The following NPAS3 variants were observed in gnomAD, a reference collection of about 807,000 sequenced individuals.
NPAS3 encodes the protein neuronal PAS domain protein 3.
A neutral mutation model predicts 73.1 loss-of-function variants in NPAS3; 14 were observed. That is an observed-to-expected ratio of 0.19 (90% CI 0.13 to 0.30). The LOEUF is 0.30. Ranked by LOEUF, NPAS3 falls within the 10% of genes least tolerant of loss-of-function variation. NPAS3 has a pLI of 1.00. For missense variants in NPAS3, 1,096 were observed against 1,250.0 expected (o/e 0.88, Z 1.86); for synonymous variants, 620 against 541.5 (o/e 1.14, Z -2.01).
intron 3 of NPAS3, among the ~76,000 whole-genome samples, chr14:33,331,064 G>A (rs1167254773): frequency 6.6e-6 from 1 of 152,144 alleles, no homozygotes; most frequent in Admixed American, 6.5e-5. Context: ...ATAGTACTTA[G>A]GATAGCAGTG....
intron 4 of NPAS3, among the ~76,000 whole-genome samples, chr14:33,401,093 G>A (rs1165838489): frequency 6.6e-6 from 1 of 152,132 alleles, no homozygotes; most frequent in Non-Finnish European, 1.5e-5. Flanking sequence ...ACGTTTTCAA[G>A]ATGTTAGAAA....
At chr14:33,789,921 A>C (rs192876203) in intron 9 of NPAS3, among the ~76,000 whole-genome samples, 1 of 152,260 alleles carries the variant, frequency 6.6e-6, no homozygotes, top group East Asian at 1.9e-4. Flanking sequence ...AATTCTAGAG[A>C]TGCTTTGACA....
At chr14:33,515,996 T>C (rs1477737555) in intron 4 of NPAS3, among the ~76,000 whole-genome samples, 1 of 152,102 alleles carries the variant, frequency 6.6e-6, no homozygotes. Context: ...TTTAACACTT[T>C]CTATGAGGTA....
intron 2 of NPAS3, among the ~76,000 whole-genome samples, chr14:33,069,591 T>C (rs2041411269): frequency 6.6e-6 from 1 of 152,214 alleles, no homozygotes; most frequent in Non-Finnish European, 1.5e-5. Context: ...AGCTGCCTGT[T>C]TCCCACCTTT....
intron 4 of NPAS3, among the ~76,000 whole-genome samples, chr14:33,471,374 G>A (rs976504988): frequency 3.3e-5 from 5 of 152,202 alleles, no homozygotes; most frequent in African/African-American, 1.2e-4. Context: ...TTGAAAGCAA[G>A]GTTTCCCTTA....
At chr14:33,542,984 G>A (rs145983446) in intron 4 of NPAS3, among the ~76,000 whole-genome samples, 1 of 152,206 alleles carries the variant, frequency 6.6e-6, no homozygotes, top group Non-Finnish European at 1.5e-5. Context: ...TTAGCATCAG[G>A]TGTTTTCTTT....
In NPAS3 at chr14:33,403,353, T is replaced by C. The variant is rs528902201; in HGVS notation, c.468+36085T>C. 7.6e-4 allele frequency among the ~76,000 whole-genome samples: 116 copies of C among 152,234 alleles called. 1 individual carries two copies. Among genetic ancestry groups the C allele is most frequent in the African/African-American group, 2.5e-3 (104 of 41,564 alleles). ...GATGCTTAGCAGGAGGCTTGTGGTA[T>C]ATTTTTTTATAATCTAGGCCTAAGA... On this transcript the variant is annotated intron_variant, in intron 4 of 11. Coordinates refer to ENST00000356141, the Ensembl canonical transcript of NPAS3.
intron 1 of NPAS3, among the ~76,000 whole-genome samples, chr14:32,955,194 T>C (rs1312282044): frequency 6.6e-6 from 1 of 152,138 alleles, no homozygotes; most frequent in Admixed American, 6.5e-5. Flanking sequence ...TGATTTGGCA[T>C]TTTGCTTTTT....
intron 2 of NPAS3, among the ~76,000 whole-genome samples, chr14:33,182,581 C>T (rs1210484196): frequency 6.6e-6 from 1 of 152,126 alleles, no homozygotes; most frequent in Non-Finnish European, 1.5e-5. Context: ...ATTATAATCA[C>T]ATTTATTTTT....
chr14:33,530,921 G>A (rs555414373), intron 4 of NPAS3, among the ~76,000 whole-genome samples: 2 of 152,154 alleles, frequency 1.3e-5, no homozygotes, highest in East Asian at 1.9e-4. Flanking sequence ...GTGGGGTGAG[G>A]AACTGCACAT....
chr14:33,613,963 G>C (rs2057835255), intron 5 of NPAS3, among the ~76,000 whole-genome samples: 2 of 152,074 alleles, frequency 1.3e-5, no homozygotes, highest in African/African-American at 4.8e-5. Context: ...CTTTAGGCCG[G>C]AAACTCACCA....
At chr14:33,391,602 G>C (rs886992633) in intron 4 of NPAS3, among the ~76,000 whole-genome samples, 2 of 152,198 alleles carry the variant, frequency 1.3e-5, no homozygotes, top group Non-Finnish European at 2.9e-5. Context: ...GAGAAAGAGA[G>C]GTAGAGAGGG....
At chr14:33,643,111 C>T (rs1031240687) in intron 5 of NPAS3, among the ~76,000 whole-genome samples, 1 of 152,016 alleles carries the variant, frequency 6.6e-6, no homozygotes, top group African/African-American at 2.4e-5. Flanking sequence ...ATGCAGCCCT[C>T]GTGACTAGGA....
At chr14:33,345,770 A>C (rs895121748) in intron 3 of NPAS3, among the ~76,000 whole-genome samples, 1 of 152,154 alleles carries the variant, frequency 6.6e-6, no homozygotes, top group African/African-American at 2.4e-5. Flanking sequence ...TGAGACCACA[A>C]ATTTTTCTCC....
intron 3 of NPAS3, among the ~76,000 whole-genome samples, chr14:33,276,344 G>T (rs2041331985): frequency 6.6e-6 from 1 of 152,144 alleles, no homozygotes; most frequent in African/African-American, 2.4e-5. Context: ...CATCTGCAAG[G>T]TTTGTGTAGT....
chr14:33,045,681 A>G (rs1368214056), intron 1 of NPAS3, among the ~76,000 whole-genome samples: 1 of 152,196 alleles, frequency 6.6e-6, no homozygotes, highest in Non-Finnish European at 1.5e-5. Flanking sequence ...GAAGACTTTT[A>G]TGATCAGTTC....
intron 2 of NPAS3, among the ~76,000 whole-genome samples, chr14:33,194,438 T>C (rs1182802073): frequency 2.0e-5 from 3 of 152,178 alleles, no homozygotes; most frequent in Non-Finnish European, 4.4e-5. Context: ...CTACTCAAAA[T>C]GTGCTGCCTC....
intron 6 of NPAS3, among the ~76,000 whole-genome samples, chr14:33,683,498 T>C (rs1361544210): frequency 6.6e-6 from 1 of 151,656 alleles, no homozygotes; most frequent in Non-Finnish European, 1.5e-5. Context: ...AAATTCTATT[T>C]CTATAGCTCT....
chr14:33,801,695 G>GAA (rs1342092177), downstream of NPAS3: 1 of 151,492 alleles, frequency 6.6e-6, no homozygotes, highest in African/African-American at 2.4e-5. Flanking sequence ...AATAATTTGG[G>GAA]TTCTTAAACT....
Sources: allele counts gnomAD v4.1 joint callset (sites outside exome capture counted in the v4.1 genomes callset), GRCh38; gene constraint gnomAD v4.1.1; transcripts MANE v1.5; gene names NCBI Gene and HGNC (gene_info 2026-07-23, HGNC 2026-07-21).